Variants in TSGA13 observed in about 807,000 individuals in gnomAD.
The protein encoded by TSGA13 is testis-specific gene 13 protein.
TSGA13 carries 37 observed loss-of-function variants against 35.1 expected under a neutral mutation model. The ratio of observed to expected loss-of-function variants is 1.05; its 90% CI spans 0.81 to 1.39. TSGA13 has a LOEUF of 1.39. Ranked by LOEUF, TSGA13 falls within the 40% of genes most tolerant of loss-of-function variation. The pLI is 0.00. For missense variants in TSGA13, 338 were observed against 328.5 expected (o/e 1.03, Z -0.22); for synonymous variants, 124 against 121.2 (o/e 1.02, Z -0.15).
intron 5 of TSGA13, among the ~76,000 whole-genome samples, chr7:130,674,798 A>G (rs930463076): frequency 3.3e-5 from 5 of 152,190 alleles, no homozygotes; most frequent in African/African-American, 1.2e-4. Flanking sequence ...GCTGCTTCTG[A>G]ACCATGTCTT....
At position 130,668,707 on chromosome 7, in the gene TSGA13, TC is replaced by T; in HGVS notation, c.*306del. 6.6e-7 allele frequency: 1 copy of T among 1,513,422 alleles called. No homozygotes were observed. Among genetic ancestry groups the T allele is most frequent in the Non-Finnish European group, 8.8e-7 (1 of 1,131,000 alleles). 93.7% of individuals were successfully genotyped at this position (1,513,422 alleles called of 1,614,324 possible). On this transcript the variant is annotated 3_prime_UTR_variant, in exon 8 of 8. Coordinates refer to ENST00000356588, the MANE Select transcript of TSGA13 (RefSeq NM_052933.4). The stretch of plus-strand genomic sequence containing the variant: ...CCAGCGCCCAGACCCACCGCAACCG[TC>T]CCAGGCGCCGCAGCCGGCGAGCGGA...
At chr7:130,673,338 A>G (rs1160262627) in intron 5 of TSGA13, among the ~76,000 whole-genome samples, 1 of 152,150 alleles carries the variant, frequency 6.6e-6, no homozygotes, top group Non-Finnish European at 1.5e-5. Flanking sequence ...TAATAATTAT[A>G]CCATTACTAA....
In TSGA13 at chr7:130,685,681, G is replaced by A. The variant is rs181974454; in HGVS notation, c.-150-321C>T. On this transcript the variant is annotated intron_variant, in intron 1 of 7. Transcript: ENST00000356588. Reference sequence around the variant, plus strand: ...AAATAAAATTAATTCACATATGTCCGTAGAAGGCTAAAGGTGGAGAAGCAG... The same window carrying A: ...AAATAAAATTAATTCACATATGTCCATAGAAGGCTAAAGGTGGAGAAGCAG... Among the ~76,000 whole-genome samples the A allele has an allele frequency of 1.4e-3, 211 of 152,256 alleles. 1 individual carries two copies. Among genetic ancestry groups the A allele is most frequent in the African/African-American group, 4.9e-3 (203 of 41,554 alleles).
chr7:130,672,922 C>G, intron 5 of TSGA13, 46 bp from the exon 6 acceptor site: 1 of 1,550,130 alleles, frequency 6.5e-7, no homozygotes, highest in Non-Finnish European at 8.7e-7. Flanking sequence ...AGCTGAGTCC[C>G]TTGGGATTTT....
chr7:130,670,986 G>C (rs1193736762), intron 7 of TSGA13, among the ~76,000 whole-genome samples: 2 of 56,488 alleles, frequency 3.5e-5, no homozygotes, highest in Non-Finnish European at 1.4e-4. Flanking sequence ...TGCTTGGTAA[G>C]TGTCAGACAC....
In TSGA13 at chr7:130,669,124, G is replaced by C; in HGVS notation, c.718C>G (p.Leu240Val). 2.5e-6 allele frequency: 4 copies of C among 1,614,216 alleles called. No individual in the cohort carries two copies. The South Asian group carries it at 4.4e-5, about 18-fold the overall frequency. The change falls in exon 8 of 8, where the codon CTC becomes GTC. Residue 240 changes from leucine (L) to valine (V), a missense_variant. Coordinates refer to ENST00000356588, the MANE Select transcript of TSGA13 (RefSeq NM_052933.4). ...ISKVIREPLTLASLLEDMPTR... is the reference protein window; with the variant it reads ...ISKVIREPLTVASLLEDMPTR... ...GGCATGTCTTCCAAGAGCGATGCGA[G>C]TGTCAGTGGTTCCCGAATCACTTTG...
intron 1 of TSGA13, among the ~76,000 whole-genome samples, chr7:130,685,779 A>C (rs1019800327): frequency 1.3e-5 from 2 of 152,176 alleles, no homozygotes; most frequent in African/African-American, 2.4e-5. Context: ...AGCTGGGAAA[A>C]GTGTGTGTAT....
intron 2 of TSGA13, among the ~76,000 whole-genome samples, chr7:130,684,461 A>T (rs782231321): frequency 6.6e-6 from 1 of 152,216 alleles, no homozygotes; most frequent in Non-Finnish European, 1.5e-5. Context: ...TCTTCCTTGG[A>T]GATAGTTCCA....
chr7:130,683,714 G>C (rs782448924), intron 2 of TSGA13, 42 bp from the exon 3 acceptor site: 2 of 1,587,310 alleles, frequency 1.3e-6, no homozygotes, highest in Non-Finnish European at 1.7e-6. Context: ...TTCTGGCTCA[G>C]AGGCCTGGAC....
At chr7:130,676,892 G>A (rs1554464185) in intron 5 of TSGA13, among the ~76,000 whole-genome samples, 2 of 150,668 alleles carry the variant, frequency 1.3e-5, no homozygotes, top group Admixed American at 1.3e-4. Flanking sequence ...TTTAGATTTT[G>A]ATTCTTTTTT....
chr7:130,673,148 G>A (rs1480213238), intron 5 of TSGA13, among the ~76,000 whole-genome samples: 3 of 152,222 alleles, frequency 2.0e-5, no homozygotes, highest in African/African-American at 7.2e-5. Flanking sequence ...GAAGTGAATG[G>A]CAGAGAAAGT....
intron 3 of TSGA13, 48 bp from the exon 4 acceptor site, chr7:130,681,065 A>G (rs781853002): frequency 6.5e-7 from 1 of 1,529,700 alleles, no homozygotes; most frequent in South Asian, 1.1e-5. Flanking sequence ...ACCTATCCTA[A>G]ACAGTATTCC....
chr7:130,681,764 G>C (rs2116325702), intron 3 of TSGA13, among the ~76,000 whole-genome samples: 1 of 152,108 alleles, frequency 6.6e-6, no homozygotes, highest in African/African-American at 2.4e-5. Context: ...TGCTGACCTA[G>C]TGTTCTTGCT....
At chr7:130,671,875 A>G in intron 6 of TSGA13, 87 bp from the exon 7 acceptor site, 1 of 819,406 alleles carries the variant, frequency 1.2e-6, no homozygotes, top group East Asian at 7.2e-5. Context: ...ATTTTATTTT[A>G]TTTTATTTTA....
At chr7:130,681,231 G>A (rs782132419) in intron 3 of TSGA13, among the ~76,000 whole-genome samples, 16 of 152,270 alleles carry the variant, frequency 1.1e-4, no homozygotes, top group South Asian at 2.1e-4. Flanking sequence ...CCTCCTGACC[G>A]TGACACTTGT....
intron 5 of TSGA13, among the ~76,000 whole-genome samples, 185 bp from the exon 6 acceptor site, chr7:130,673,061 C>G (rs78160016): frequency 1.6e-4 from 25 of 152,218 alleles, no homozygotes; most frequent in Non-Finnish European, 2.9e-5. Context: ...GGAAAACACT[C>G]TTTTCATTGC....
chr7:130,680,932 C>T lies in TSGA13; in HGVS notation c.174+14G>A. 6.2e-7 allele frequency: 1 copy of T among 1,613,544 alleles called. No homozygotes were observed. The highest frequency in any genetic ancestry group is 8.5e-7 in the Non-Finnish European group (1 of 1,179,564). ...TCCCCTTAGAGATCTTGGGGGAATG[C>T]TTTCTCTACCTACCAAATTTGGATG... is the stretch of plus-strand genomic sequence containing the variant. On this transcript the variant is annotated intron_variant, in intron 4 of 7. Transcript: ENST00000356588.
rs1019092550 is a variant in TSGA13, at chr7:130,668,889, C to T, written c.*125G>A. 2 of 1,437,068 alleles carry T rather than the reference C, an allele frequency of 1.4e-6. No individual in the cohort carries two copies. Among genetic ancestry groups the T allele is most frequent in the Middle Eastern group, 2.6e-4 (1 of 3,832 alleles). The allele number at this position is 1,437,068 out of a possible 1,614,324, so 89.0% of individuals were successfully genotyped here. On this transcript the variant is annotated 3_prime_UTR_variant, in exon 8 of 8. Coordinates refer to ENST00000356588, the MANE Select transcript of TSGA13 (RefSeq NM_052933.4). ...CGGCCCGCCGGAGACTTCGGCTCGA[C>T]CCTCCCGGCTTGCGACCCGGGAGCC...
At position 130,671,932 on chromosome 7, in the gene TSGA13, C is replaced by A. The variant is rs985169385; in HGVS notation, c.531-144G>T. 5 of 650,100 alleles carry A rather than the reference C, an allele frequency of 7.7e-6. No individual in the cohort carries two copies. The African/African-American group carries it at 1.0e-4, about 13-fold the overall frequency. The allele number at this position is 650,100 out of a possible 1,614,324, so 40.3% of individuals were successfully genotyped here. A position where few individuals can be genotyped will look rare whatever the true frequency, so the allele number is the denominator to read the frequency against. On this transcript the variant is annotated intron_variant, in intron 6 of 7. Coordinates refer to ENST00000356588, the MANE Select transcript of TSGA13 (RefSeq NM_052933.4). The stretch of plus-strand genomic sequence containing the variant: ...TGAGACACAAGTCTTGTTCTGTCAC[C>A]CAAGCTGGAGTGCAGTGGCATGATC...
Sources: allele counts gnomAD v4.1 joint callset (sites outside exome capture counted in the v4.1 genomes callset), GRCh38; gene constraint gnomAD v4.1.1; transcripts MANE v1.5; gene names NCBI Gene and HGNC (gene_info 2026-07-23, HGNC 2026-07-21).